The following PPP2R2A variants were observed in gnomAD, a reference collection of about 807,000 sequenced individuals.
PPP2R2A encodes the protein serine/threonine-protein phosphatase 2A 55 kDa regulatory subunit B alpha isoform.
A neutral mutation model predicts 53.2 loss-of-function variants in PPP2R2A; 9 were observed. That is an observed-to-expected ratio of 0.17 (90% CI 0.10 to 0.30). PPP2R2A has a LOEUF of 0.30. PPP2R2A is among the 10% of genes least tolerant of loss of function. The pLI, the probability that PPP2R2A is intolerant of heterozygous loss-of-function variation, is 1.00. For synonymous variants in PPP2R2A, 169 were observed against 174.2 expected, an observed-to-expected ratio of 0.97 and a Z score of 0.23; for missense variants, 235 against 534.6, an observed-to-expected ratio of 0.44 and a Z score of 5.53.
chr8:26,363,647 G>C (rs1185194411), intron 7 of PPP2R2A, 74 bp from the exon 8 acceptor site: 1 of 1,287,988 alleles, frequency 7.8e-7, no homozygotes, highest in Admixed American at 2.9e-5. Flanking sequence ...GTGAATGGTT[G>C]TTTAGGAAAT....
intron 2 of PPP2R2A, among the ~76,000 whole-genome samples, chr8:26,310,635 A>C: frequency 6.8e-6 from 1 of 147,144 alleles, no homozygotes; most frequent in South Asian, 2.2e-4. Context: ...TGGAAATGGG[A>C]TTGCTGGGTC....
At chr8:26,322,839 G>C (rs1802909180) in intron 2 of PPP2R2A, among the ~76,000 whole-genome samples, 2 of 152,126 alleles carry the variant, frequency 1.3e-5, no homozygotes, top group Non-Finnish European at 2.9e-5. Context: ...TCCTTTTGAC[G>C]ATAAATAAAG....
rs142156798 is a variant in PPP2R2A at position 26,362,805 on chromosome 8, A to C, written c.759A>C (p.Leu253=). ...GCAGCAGTAAAGGAACTATTCGGCT[A>C]TGTGACATGAGGGCATCTGCCCTCT... ...VYSSSKGTIR[L]CDMRASALCD... is the part of the protein sequence containing the mutation. The change falls in exon 7 of 10, where the codon CTA becomes CTC. Residue 253 remains leucine (L), a synonymous_variant. Coordinates refer to ENST00000380737, the MANE Select transcript of PPP2R2A (RefSeq NM_002717.4). This position sits in a 1 kb window ranked among gnomAD's most constrained non-coding sequence, Gnocchi z 4.4. 191 of 1,614,086 alleles carry C rather than the reference A, an allele frequency of 1.2e-4. 3 individuals carry two copies. The highest frequency in any genetic ancestry group is 8.7e-4 in the East Asian group (39 of 44,874).
intron 3 of PPP2R2A, among the ~76,000 whole-genome samples, chr8:26,343,611 C>T (rs1804062591): frequency 6.6e-6 from 1 of 152,084 alleles, no homozygotes; most frequent in Non-Finnish European, 1.5e-5. Flanking sequence ...ACCTCATGAT[C>T]CACCCGTCTC....
chr8:26,364,731 G>C (rs1026925847), intron 8 of PPP2R2A, among the ~76,000 whole-genome samples: 3 of 152,116 alleles, frequency 2.0e-5, no homozygotes, highest in Non-Finnish European at 4.4e-5. Flanking sequence ...ATACTGCTTT[G>C]CTTTTCAAAG....
Position 26,291,831 on chromosome 8 carries a change from A to G in PPP2R2A, c.7+5A>G. On this transcript the variant is annotated splice_donor_5th_base_variant and intron_variant, in intron 1 of 9. Coordinates refer to ENST00000380737, the MANE Select transcript of PPP2R2A (RefSeq NM_002717.4). ...ATTTGCAGCGCAACATGGCAGGTAA[A>G]GGAGAAATCCCCCTCGCCCCCTGAC... 6.2e-7 allele frequency: 1 copy of G among 1,609,154 alleles called. No individual in the cohort carries two copies. The highest frequency in any genetic ancestry group is 1.7e-4 in the Middle Eastern group (1 of 6,048).
rs547457347 is a variant in PPP2R2A, at chr8:26,323,079, T to G, written c.83-15811T>G. ...GAAGTTCCTGTGCAGTCTCCTTTTT[T>G]ACCTGGTCTCCAGGCTTAATCCTTA... On this transcript the variant is annotated intron_variant, in intron 2 of 9. Transcript: ENST00000380737. Among the ~76,000 whole-genome samples the G allele has an allele frequency of 2.0e-5, 3 of 152,354 alleles. No homozygotes were observed. The East Asian group carries it at 5.8e-4, about 29-fold the overall frequency.
At chr8:26,340,763 G>A (rs1166112289) in intron 3 of PPP2R2A, among the ~76,000 whole-genome samples, 5 of 151,986 alleles carry the variant, frequency 3.3e-5, no homozygotes, top group Admixed American at 2.0e-4. Flanking sequence ...TATGGGTTTA[G>A]TAATGTAGTC....
chr8:26,359,022 C>T lies in PPP2R2A; in HGVS notation c.347-1147C>T, dbSNP rs75772748. 787 of 448,174 alleles carry T rather than the reference C, an allele frequency of 1.8e-3. 8 individuals carry two copies. The highest frequency in any genetic ancestry group is 0.014 in the African/African-American group (686 of 50,052). The allele number at this position is 448,174 out of a possible 1,614,324, so 27.8% of individuals were successfully genotyped here. A position where few individuals can be genotyped will look rare whatever the true frequency, so the allele number is the denominator to read the frequency against. On this transcript the variant is annotated intron_variant, in intron 4 of 9. Transcript: ENST00000380737. The stretch of plus-strand genomic sequence containing the variant: ...GTCTTAACCAAATGACCCAAGTTAA[C>T]GCCACCAGCTGTAAGTCATGTTGAT...
chr8:26,370,744 A>C lies in PPP2R2A; in HGVS notation c.*331A>C. 3.2e-6 allele frequency: 1 copy of C among 312,472 alleles called. No individual in the cohort carries two copies. Among genetic ancestry groups the C allele is most frequent in the East Asian group, 6.8e-5 (1 of 14,640 alleles). 19.4% of individuals were successfully genotyped at this position (312,472 alleles called of 1,614,324 possible). A position where few individuals can be genotyped will look rare whatever the true frequency, so the allele number is the denominator to read the frequency against. ...GCCTTCCATTGTGATGACGTCAAAC[A>C]CAGTGAAAGCCTTCAGTCATGCTAT... On this transcript the variant is annotated 3_prime_UTR_variant, in exon 10 of 10. Transcript: ENST00000380737. The surrounding 1 kb of genome is among the most constrained non-coding windows in gnomAD (Gnocchi z 6.1).
rs115245972 is a variant in PPP2R2A at position 26,321,673 on chromosome 8, C to T, written c.83-17217C>T. 7.0e-3 allele frequency among the ~76,000 whole-genome samples: 1,070 copies of T among 152,284 alleles called. 7 individuals carry two copies. The highest frequency in any genetic ancestry group is 0.024 in the African/African-American group (1,010 of 41,550). ...TGGCGACCTGACACCTGTCAGCAGC[C>T]AGGCGCACGAGCTTGGAAGTAGATC... On this transcript the variant is annotated intron_variant, in intron 2 of 9. Coordinates refer to ENST00000380737, the MANE Select transcript of PPP2R2A (RefSeq NM_002717.4). This position sits in a 1 kb window ranked among gnomAD's most constrained non-coding sequence, Gnocchi z 4.1.
intron 2 of PPP2R2A, among the ~76,000 whole-genome samples, chr8:26,296,080 A>T (rs555431593): frequency 6.6e-6 from 1 of 152,254 alleles, no homozygotes; most frequent in African/African-American, 2.4e-5. Flanking sequence ...TAATGCCTTA[A>T]TCTTCTTTGC....
At chr8:26,358,809 T>A (rs997844012) in intron 4 of PPP2R2A, 3 of 400,114 alleles carry the variant, frequency 7.5e-6, no homozygotes. Flanking sequence ...ATTGAATGGA[T>A]ACATGGAGAG....
intron 4 of PPP2R2A, among the ~76,000 whole-genome samples, chr8:26,356,609 CT>C (rs1804795214): frequency 6.6e-6 from 1 of 152,174 alleles, no homozygotes; most frequent in African/African-American, 2.4e-5. Flanking sequence ...AGACACTGTT[CT>C]TTGGCATCAG....
chr8:26,364,897 G>A (rs2117419615), intron 8 of PPP2R2A, among the ~76,000 whole-genome samples: 1 of 152,250 alleles, frequency 6.6e-6, no homozygotes, highest in East Asian at 1.9e-4. Context: ...CTTCACGTGT[G>A]GGTTCCGCAG....
intron 4 of PPP2R2A, among the ~76,000 whole-genome samples, chr8:26,359,263 T>C (rs1202263287): frequency 6.6e-6 from 1 of 152,194 alleles, no homozygotes; most frequent in Non-Finnish European, 1.5e-5. Flanking sequence ...CTAAGGAAAC[T>C]TGATGACTAA....
intron 1 of PPP2R2A, 163 bp downstream of exon 1, chr8:26,291,989 C>T (rs1276270730): frequency 3.1e-6 from 3 of 968,004 alleles, no homozygotes; most frequent in African/African-American, 1.9e-5. Flanking sequence ...GGAGGGCTCC[C>T]GGGAGGCAAG....
intron 9 of PPP2R2A, among the ~76,000 whole-genome samples, chr8:26,368,143 T>C (rs2117431677): frequency 6.6e-6 from 1 of 152,332 alleles, no homozygotes; most frequent in African/African-American, 2.4e-5. Flanking sequence ...TATGGGGATG[T>C]CAATCTAAAT....
At chr8:26,336,813 C>T (rs1034592815) in intron 2 of PPP2R2A, among the ~76,000 whole-genome samples, 31 of 149,818 alleles carry the variant, frequency 2.1e-4, no homozygotes, top group African/African-American at 6.9e-4. Flanking sequence ...CCCAGAAGTT[C>T]GACATGATTG....
Sources: gnomAD v4.1 joint callset for allele counts (sites outside exome capture counted in the v4.1 genomes callset) on GRCh38, gnomAD v4.1.1 for gene constraint, Gnocchi (gnomAD v3.1) non-coding constraint, MANE v1.5 for transcripts, NCBI Gene and HGNC (gene_info 2026-07-23, HGNC 2026-07-21) for gene names.